LMO7: variants seen among roughly 807,000 people sequenced by gnomAD.
The protein encoded by LMO7 is LIM domain only protein 7.
In LMO7, 120 loss-of-function variants were observed where a neutral mutation model predicts 206.5. That is an observed-to-expected ratio of 0.58 (90% CI 0.50 to 0.68). The LOEUF is 0.68. Ranked by LOEUF, LMO7 falls within the 30% of genes least tolerant of loss-of-function variation. The pLI is 0.00. For synonymous variants in LMO7, 706 were observed against 681.5 expected, an observed-to-expected ratio of 1.04 and a Z score of -0.56; for missense variants, 1,959 against 1,957.9, an observed-to-expected ratio of 1.00 and a Z score of -0.01.
chr13:75,777,910 G>C (rs2050754935), intron 4 of LMO7, among the ~76,000 whole-genome samples: 2 of 152,090 alleles, frequency 1.3e-5, no homozygotes, highest in African/African-American at 2.4e-5. Context: ...CTCCCAAAGT[G>C]CTGGGATTAC....
chr13:75,660,408 G>T (rs1256633363), intron 1 of LMO7, among the ~76,000 whole-genome samples: 1 of 152,090 alleles, frequency 6.6e-6, no homozygotes, highest in African/African-American at 2.4e-5. Flanking sequence ...AACCAATTTT[G>T]GATTAATTTG....
chr13:75,626,405 T>A (rs2034090003), intron 2 of LMO7, among the ~76,000 whole-genome samples: 1 of 150,214 alleles, frequency 6.7e-6, no homozygotes, highest in Non-Finnish European at 1.5e-5. Flanking sequence ...TCAGATCTCG[T>A]GAGACTTATT....
chr13:75,647,014 A>G (rs1279138146), intron 1 of LMO7, among the ~76,000 whole-genome samples: 1 of 152,064 alleles, frequency 6.6e-6, no homozygotes, highest in African/African-American at 2.4e-5. Flanking sequence ...TTGTCACTCC[A>G]TACTCAGATT....
intron 3 of LMO7, among the ~76,000 whole-genome samples, chr13:75,731,918 G>C (rs2045276394): frequency 6.6e-6 from 1 of 151,950 alleles, no homozygotes; most frequent in East Asian, 1.9e-4. Context: ...TGAAATTCTG[G>C]GTTGAAAATT....
intron 1 of LMO7, among the ~76,000 whole-genome samples, chr13:75,690,877 T>C (rs1420638943): frequency 6.6e-6 from 1 of 152,190 alleles, no homozygotes; most frequent in Non-Finnish European, 1.5e-5. Flanking sequence ...TGAACAATAG[T>C]TTCCACTGCC....
At chr13:75,718,109 C>T (rs2043708706) in intron 2 of LMO7, among the ~76,000 whole-genome samples, 1 of 152,172 alleles carries the variant, frequency 6.6e-6, no homozygotes, top group African/African-American at 2.4e-5. Context: ...TTATGGTTGG[C>T]ATTTGCATGC....
chr13:75,734,428 T>C (rs561752091), intron 3 of LMO7, among the ~76,000 whole-genome samples: 19 of 152,362 alleles, frequency 1.2e-4, no homozygotes, highest in African/African-American at 4.3e-4. Flanking sequence ...AATTAGAATG[T>C]AAACAGAAAC....
intron 7 of LMO7, among the ~76,000 whole-genome samples, chr13:75,803,617 G>A (rs758659019): frequency 6.6e-6 from 1 of 152,192 alleles, no homozygotes; most frequent in Non-Finnish European, 1.5e-5. Context: ...TTTTGAATTT[G>A]TGTTTAAATG....
chr13:75,716,723 A>T (rs2043562010), intron 2 of LMO7, among the ~76,000 whole-genome samples: 1 of 152,116 alleles, frequency 6.6e-6, no homozygotes, highest in Non-Finnish European at 1.5e-5. Flanking sequence ...AAAAATATAA[A>T]AGATGTATCA....
chr13:75,837,093 A>G (rs192136643), intron 19 of LMO7, among the ~76,000 whole-genome samples: 3 of 152,348 alleles, frequency 2.0e-5, no homozygotes, highest in Admixed American at 2.0e-4. Flanking sequence ...CTCTTCTGCC[A>G]TGAACCTAGA....
At chr13:75,621,256 T>C (rs1468552026) in exon 1 of LMO7, 1 of 152,238 alleles carries the variant, frequency 6.6e-6, no homozygotes, top group Non-Finnish European at 1.5e-5. Context: ...ATGGAATGAA[T>C]AGATTGCATT....
intron 1 of LMO7, among the ~76,000 whole-genome samples, chr13:75,672,104 C>T (rs2039635396): frequency 6.6e-6 from 1 of 152,048 alleles, no homozygotes; most frequent in Non-Finnish European, 1.5e-5. Flanking sequence ...GTTCAAGTTC[C>T]TTATATAAGA....
chr13:75,832,472 G>A (rs949676509), intron 15 of LMO7, among the ~76,000 whole-genome samples: 2 of 152,262 alleles, frequency 1.3e-5, no homozygotes, highest in Admixed American at 6.5e-5. Flanking sequence ...AGCATGTAGA[G>A]CAGCTATGCC....
rs772227775 is a variant in LMO7, at chr13:75,841,168, G to T, written c.3642G>T (p.Glu1214Asp). Reference protein sequence around the residue: ...LREEWQRAKQEAERENSKYLD... With the variant: ...LREEWQRAKQDAERENSKYLD... ...AAGAGTGGCAAAGGGCCAAACAGGA[G>T]GCAGAGAGAGAGAATTCCAAGTACT... is the stretch of plus-strand genomic sequence containing the variant. The change falls in exon 23 of 31, where the codon GAG (glutamate) becomes GAT (aspartate). Residue 1214 changes from glutamate to aspartate, a missense_variant. Transcript: ENST00000377534. 2 of 1,613,340 alleles carry T rather than the reference G, an allele frequency of 1.2e-6. No individual in the cohort carries two copies. The highest frequency in any genetic ancestry group is 2.2e-5 in the South Asian group (2 of 91,044).
intron 3 of LMO7, among the ~76,000 whole-genome samples, chr13:75,744,045 C>G (rs1236337501): frequency 6.6e-6 from 1 of 152,086 alleles, no homozygotes; most frequent in Non-Finnish European, 1.5e-5. Context: ...AAATACTTGA[C>G]AGTAAATATC....
At position 75,791,019 on chromosome 13, in the gene LMO7, C is replaced by T. The variant is rs769462699; in HGVS notation, c.318-4382C>T. ...TTGGATGGAGTCTTGCTCTGTCGCC[C>T]AGGCTGGAGTGCAGTGGCATGATCT... On this transcript the variant is annotated intron_variant, in intron 4 of 30. Transcript: ENST00000377534. 1.6e-4 allele frequency among the ~76,000 whole-genome samples: 25 copies of T among 151,674 alleles called. 1 individual carries two copies. Among genetic ancestry groups the T allele is most frequent in the Non-Finnish European group, 2.8e-4 (19 of 67,966 alleles).
chr13:75,747,226 T>G (rs536141768), intron 3 of LMO7, among the ~76,000 whole-genome samples: 98 of 152,320 alleles, frequency 6.4e-4, no homozygotes, highest in Non-Finnish European at 1.1e-3. Flanking sequence ...TTTTAAACCT[T>G]TATCCATGGC....
intron 15 of LMO7, among the ~76,000 whole-genome samples, 168 bp from the exon 16 acceptor site, chr13:75,832,883 A>T (rs1394369655): frequency 1.3e-5 from 2 of 152,190 alleles, no homozygotes; most frequent in Admixed American, 1.3e-4. Context: ...GGTGCTATTT[A>T]TATAAATGAA....
At chr13:75,649,189 G>A (rs770374868) in intron 1 of LMO7, among the ~76,000 whole-genome samples, 3 of 152,144 alleles carry the variant, frequency 2.0e-5, no homozygotes, top group Non-Finnish European at 2.9e-5. Flanking sequence ...ACTGGATATC[G>A]ATTTTGATTT....
Sources: allele counts gnomAD v4.1 joint callset (sites outside exome capture counted in the v4.1 genomes callset), GRCh38; gene constraint gnomAD v4.1.1; transcripts MANE v1.5; gene names NCBI Gene and HGNC (gene_info 2026-07-23, HGNC 2026-07-21).